The following PLCH1 variants were observed in gnomAD, a reference collection of about 807,000 sequenced individuals.
The protein encoded by PLCH1 is 1-phosphatidylinositol 4,5-bisphosphate phosphodiesterase eta-1.
A neutral mutation model predicts 126.7 loss-of-function variants in PLCH1; 60 were observed. The ratio of observed to expected loss-of-function variants is 0.47; its 90% CI spans 0.38 to 0.59. PLCH1 has a LOEUF of 0.59. PLCH1 is among the 20% of genes least tolerant of loss of function. The pLI, the probability that PLCH1 is intolerant of heterozygous loss-of-function variation, is 0.00. For synonymous variants in PLCH1, 719 were observed against 734.9 expected (o/e 0.98, Z 0.35); for missense variants, 1,723 against 2,040.0 (o/e 0.84, Z 2.99).
intron 8 of PLCH1, among the ~76,000 whole-genome samples, chr3:155,560,336 G>A (rs890817650): frequency 6.6e-6 from 1 of 152,172 alleles, no homozygotes; most frequent in Non-Finnish European, 1.5e-5. Flanking sequence ...ACAAAGGGCT[G>A]AATAATGGCT....
Position 155,494,369 on chromosome 3 carries a change from A to C in PLCH1, c.2043T>G (p.Pro681=). ...AYRIDSSNFN[P]LPYWNAGCQL... is the part of the protein sequence containing the mutation. ...GGCAGCCTGCGTTCCAGTAGGGGAG[A>C]GGGTTGAAGTTACTGGAATCAATGC... Residue 681 remains proline, a synonymous_variant, in exon 16 of 23, where the codon CCT becomes CCG. Coordinates refer to ENST00000460012, the MANE Select transcript of PLCH1 (RefSeq NM_014996.4). 4 of 1,614,156 alleles carry C rather than the reference A, an allele frequency of 2.5e-6. No homozygotes were observed. Among genetic ancestry groups the C allele is most frequent in the Non-Finnish European group, 3.4e-6 (4 of 1,180,008 alleles).
At chr3:155,473,746 G>C (rs1333280295) in intron 21 of PLCH1, among the ~76,000 whole-genome samples, 8 of 151,254 alleles carry the variant, frequency 5.3e-5, no homozygotes, top group Non-Finnish European at 1.2e-4. Context: ...CAATGGAACA[G>C]AACAGAGCCC....
At chr3:155,704,678 A>G (rs952990472) in intron 1 of PLCH1, among the ~76,000 whole-genome samples, 1 of 152,202 alleles carries the variant, frequency 6.6e-6, no homozygotes, top group Non-Finnish European at 1.5e-5. Context: ...CGAAGCTATC[A>G]TTCCCAATTC....
intron 2 of PLCH1, among the ~76,000 whole-genome samples, chr3:155,631,013 A>AT (rs1359133296): frequency 6.6e-6 from 1 of 152,136 alleles, no homozygotes; most frequent in Non-Finnish European, 1.5e-5. Flanking sequence ...CTAATTTTTA[A>AT]TTTTTTAGGG....
chr3:155,626,339 A>G (rs1487940894), intron 2 of PLCH1, among the ~76,000 whole-genome samples: 2 of 152,170 alleles, frequency 1.3e-5, no homozygotes, highest in East Asian at 1.9e-4. Context: ...ACATATTTCA[A>G]TTTCAATCAC....
intron 2 of PLCH1, among the ~76,000 whole-genome samples, chr3:155,620,782 C>A (rs1318407424): frequency 6.6e-6 from 1 of 152,176 alleles, no homozygotes; most frequent in East Asian, 1.9e-4. Context: ...CAGATAAAAG[C>A]CCCATCTCCC....
chr3:155,703,207 CTTAGT>C (rs1227222503), intron 2 of PLCH1, among the ~76,000 whole-genome samples: 1 of 152,170 alleles, frequency 6.6e-6, no homozygotes. Flanking sequence ...TTATCTTAAA[CTTAGT>C]TTAAAGCAAT....
chr3:155,512,737 T>G (rs181666161), intron 12 of PLCH1, among the ~76,000 whole-genome samples: 1 of 152,278 alleles, frequency 6.6e-6, no homozygotes, highest in East Asian at 1.9e-4. Flanking sequence ...GGAAGGATCT[T>G]ATGGGCTATT....
intron 2 of PLCH1, among the ~76,000 whole-genome samples, chr3:155,688,883 T>C (rs1253137443): frequency 1.3e-5 from 2 of 152,160 alleles, no homozygotes; most frequent in Non-Finnish European, 2.9e-5. Context: ...CGCTGTAGAA[T>C]AGAACATCAG....
intron 2 of PLCH1, among the ~76,000 whole-genome samples, chr3:155,652,010 A>G (rs1740759713): frequency 6.6e-6 from 1 of 152,226 alleles, no homozygotes; most frequent in South Asian, 2.1e-4. Context: ...GCCGTTAGCT[A>G]TGCAAAGCAA....
At chr3:155,555,897 C>A (rs763989520) in intron 8 of PLCH1, among the ~76,000 whole-genome samples, 1 of 152,130 alleles carries the variant, frequency 6.6e-6, no homozygotes, top group Admixed American at 6.5e-5. Context: ...ATAAGTGCAG[C>A]GGCTCAATGG....
intron 2 of PLCH1, among the ~76,000 whole-genome samples, chr3:155,684,146 G>A (rs1334569023): frequency 6.6e-6 from 1 of 152,164 alleles, no homozygotes; most frequent in African/African-American, 2.4e-5. Flanking sequence ...CATTCAAATA[G>A]GAGATACGCA....
chr3:155,703,741 A>G (rs1041925879), intron 2 of PLCH1, among the ~76,000 whole-genome samples: 21 of 152,346 alleles, frequency 1.4e-4, no homozygotes, highest in African/African-American at 4.8e-4. Flanking sequence ...GCACCCTCTA[A>G]CATCTCAATT....
intron 10 of PLCH1, among the ~76,000 whole-genome samples, chr3:155,545,103 G>GT (rs1206459434): frequency 6.9e-6 from 1 of 144,628 alleles, no homozygotes; most frequent in Non-Finnish European, 1.5e-5. Flanking sequence ...CCAGGAGCTG[G>GT]TTTTTTGAAA....
At chr3:155,525,391 T>C (rs1327778207) in intron 10 of PLCH1, among the ~76,000 whole-genome samples, 2 of 152,140 alleles carry the variant, frequency 1.3e-5, no homozygotes, top group East Asian at 3.9e-4. Flanking sequence ...TAGTAGGTAC[T>C]ATCTATGAGA....
downstream of PLCH1, among the ~76,000 whole-genome samples, chr3:155,475,668 G>A (rs966426759): frequency 6.6e-6 from 1 of 152,092 alleles, no homozygotes; most frequent in African/African-American, 2.4e-5. Flanking sequence ...AGGACCATTA[G>A]TGGCTACCAT....
At chr3:155,676,252 G>A in intron 2 of PLCH1, 1 of 1,221,512 alleles carries the variant, frequency 8.2e-7, no homozygotes, top group Non-Finnish European at 1.0e-6. Context: ...AAATCCATGA[G>A]ATATGATTAT....
At chr3:155,733,482 T>C (rs763381315) in intron 1 of PLCH1, among the ~76,000 whole-genome samples, 2 of 152,168 alleles carry the variant, frequency 1.3e-5, no homozygotes, top group African/African-American at 4.8e-5. Flanking sequence ...GAACAGTCTC[T>C]TCGATAAATA....
chr3:155,721,639 A>AT, intron 1 of PLCH1, among the ~76,000 whole-genome samples: 1 of 152,352 alleles, frequency 6.6e-6, no homozygotes, highest in African/African-American at 2.4e-5. Flanking sequence ...GTGTACAATC[A>AT]TATCATCGGC....
Sources: allele counts gnomAD v4.1 joint callset (sites outside exome capture counted in the v4.1 genomes callset), GRCh38; gene constraint gnomAD v4.1.1; transcripts MANE v1.5; gene names NCBI Gene and HGNC (gene_info 2026-07-23, HGNC 2026-07-21).